The following INPP4B variants were observed in gnomAD, a reference collection of about 807,000 sequenced individuals.
INPP4B encodes the protein inositol polyphosphate-4-phosphatase type II B.
In INPP4B, 55 loss-of-function variants were observed where a neutral mutation model predicts 122.5. The observed-to-expected ratio is 0.45, with a 90% CI of 0.36 to 0.56. INPP4B has a LOEUF of 0.56. Ranked by LOEUF, INPP4B falls within the 20% of genes least tolerant of loss-of-function variation. INPP4B has a pLI of 0.00. For synonymous variants in INPP4B, 403 were observed against 388.7 expected, an observed-to-expected ratio of 1.04 and a Z score of -0.43; for missense variants, 1,000 against 1,097.7, an observed-to-expected ratio of 0.91 and a Z score of 1.26.
intron 1 of INPP4B, among the ~76,000 whole-genome samples, chr4:142,793,848 TAAC>T (rs1412635085): frequency 6.6e-6 from 1 of 152,028 alleles, no homozygotes; most frequent in African/African-American, 2.4e-5. Context: ...AGATTACACT[TAAC>T]AAAATATATG....
intron 2 of INPP4B, among the ~76,000 whole-genome samples, chr4:142,650,931 C>A (rs1409292295): frequency 6.6e-6 from 1 of 152,170 alleles, no homozygotes; most frequent in Non-Finnish European, 1.5e-5. Flanking sequence ...CTTCTCAGCA[C>A]CACATCACAC....
At chr4:142,210,918 T>C (rs1393895937) in intron 12 of INPP4B, among the ~76,000 whole-genome samples, 5 of 152,260 alleles carry the variant, frequency 3.3e-5, no homozygotes, top group South Asian at 2.1e-4. Context: ...TTTGGCAAAA[T>C]GTAATCAGAA....
At chr4:142,202,526 T>G in intron 14 of INPP4B, among the ~76,000 whole-genome samples, 1 of 152,086 alleles carries the variant, frequency 6.6e-6, no homozygotes, top group East Asian at 1.9e-4. Context: ...TACTCTCACA[T>G]TCTTGAGATA....
At chr4:142,698,187 A>G (rs1761264496) in intron 2 of INPP4B, among the ~76,000 whole-genome samples, 1 of 152,140 alleles carries the variant, frequency 6.6e-6, no homozygotes, top group South Asian at 2.1e-4. Context: ...AGTAAGAGAA[A>G]ACAATTAAGT....
intron 7 of INPP4B, among the ~76,000 whole-genome samples, chr4:142,315,862 G>T (rs1767421750): frequency 6.6e-6 from 1 of 151,710 alleles, no homozygotes; most frequent in African/African-American, 2.4e-5. Context: ...CATTTTAAGG[G>T]ATCATTTTAA....
intron 1 of INPP4B, among the ~76,000 whole-genome samples, chr4:142,810,158 A>G (rs1038169293): frequency 1.4e-5 from 2 of 140,938 alleles, no homozygotes; most frequent in Non-Finnish European, 3.0e-5. Context: ...TGACAGAGTG[A>G]GACTCCATCT....
chr4:142,521,288 A>G (rs1826035267), intron 2 of INPP4B, among the ~76,000 whole-genome samples: 1 of 152,000 alleles, frequency 6.6e-6, no homozygotes, highest in Non-Finnish European at 1.5e-5. Context: ...ATGGTAAAAT[A>G]AGATTGGGAA....
At chr4:142,443,090 T>TAAGATTTGGG (rs1261053868) in intron 3 of INPP4B, among the ~76,000 whole-genome samples, 1 of 152,082 alleles carries the variant, frequency 6.6e-6, no homozygotes, top group Non-Finnish European at 1.5e-5. Context: ...CAATTCAAGG[T>TAAGATTTGGG]AAGATTTGGG....
At chr4:142,443,527 C>A (rs1186422760) in intron 3 of INPP4B, among the ~76,000 whole-genome samples, 1 of 152,036 alleles carries the variant, frequency 6.6e-6, no homozygotes, top group South Asian at 2.1e-4. Flanking sequence ...ATAGAGTGAT[C>A]GGATCACTGA....
At chr4:142,490,272 A>G (rs1821717626) in intron 2 of INPP4B, among the ~76,000 whole-genome samples, 1 of 151,944 alleles carries the variant, frequency 6.6e-6, no homozygotes, top group Non-Finnish European at 1.5e-5. Context: ...TATATTTTGT[A>G]GAGACAGGGT....
At chr4:142,153,176 T>C (rs965093179) in intron 17 of INPP4B, among the ~76,000 whole-genome samples, 1 of 152,222 alleles carries the variant, frequency 6.6e-6, no homozygotes, top group Non-Finnish European at 1.5e-5. Context: ...AAATTGGTAA[T>C]TGGATGTTAT....
intron 25 of INPP4B, among the ~76,000 whole-genome samples, chr4:142,070,401 GA>G (rs1199874616): frequency 2.6e-5 from 4 of 152,142 alleles, no homozygotes; most frequent in Admixed American, 2.6e-4. Context: ...GCCAAAACTG[GA>G]AGCATTCCCT....
intron 9 of INPP4B, chr4:142,287,304 C>G (rs1754186435): frequency 6.6e-6 from 1 of 152,120 alleles, no homozygotes; most frequent in Non-Finnish European, 1.5e-5. Context: ...CATCAGAGTC[C>G]CAAAAAGTTT....
intron 11 of INPP4B, among the ~76,000 whole-genome samples, chr4:142,239,755 A>G (rs1001025250): frequency 1.3e-5 from 2 of 152,126 alleles, no homozygotes; most frequent in Non-Finnish European, 2.9e-5. Flanking sequence ...ATAAGCATGC[A>G]TTATTTTATG....
intron 9 of INPP4B, among the ~76,000 whole-genome samples, chr4:142,276,770 G>A (rs1748621489): frequency 6.6e-6 from 1 of 151,730 alleles, no homozygotes; most frequent in Non-Finnish European, 1.5e-5. Flanking sequence ...GTAGATTACT[G>A]TTTACTGCTA....
At chr4:142,759,817 G>T in intron 1 of INPP4B, among the ~76,000 whole-genome samples, 1 of 83,800 alleles carries the variant, frequency 1.2e-5, no homozygotes, top group African/African-American at 5.7e-5. Flanking sequence ...CTTATATAGA[G>T]CTTTTTCTAA....
At chr4:142,208,317 C>T (rs1002682621) in intron 14 of INPP4B, 108 bp downstream of exon 14, 6 of 493,994 alleles carry the variant, frequency 1.2e-5, no homozygotes, top group African/African-American at 1.0e-4. Flanking sequence ...GTTTCATTTT[C>T]AACTTTATAT....
chr4:142,160,270 T>C, intron 17 of INPP4B, 88 bp downstream of exon 17: 1 of 987,464 alleles, frequency 1.0e-6, no homozygotes, highest in East Asian at 2.6e-5. Flanking sequence ...TTTCCATTTT[T>C]TAAAATGGAA....
intron 7 of INPP4B, among the ~76,000 whole-genome samples, chr4:142,332,764 G>A (rs1179647404): frequency 6.6e-6 from 1 of 151,558 alleles, no homozygotes; most frequent in Non-Finnish European, 1.5e-5. Context: ...CAGCACTTTG[G>A]GAGGCCAAGA....
Sources: gnomAD v4.1 joint callset for allele counts (sites outside exome capture counted in the v4.1 genomes callset) on GRCh38, gnomAD v4.1.1 for gene constraint, MANE v1.5 for transcripts, NCBI Gene and HGNC (gene_info 2026-07-23, HGNC 2026-07-21) for gene names.